TMEM164: variants seen among roughly 807,000 people sequenced by gnomAD.
The protein encoded by TMEM164 is RP13-360B22.2.
In TMEM164, 4 loss-of-function variants were observed where a neutral mutation model predicts 18.8. The observed-to-expected ratio is 0.21, with a 90% CI of 0.10 to 0.49. TMEM164 has a LOEUF of 0.49. TMEM164 is among the 20% of genes least tolerant of loss of function. TMEM164 has a pLI of 0.98. For missense variants in TMEM164, 108 were observed against 239.9 expected, an observed-to-expected ratio of 0.45 and a Z score of 3.63; for synonymous variants, 86 against 101.7, an observed-to-expected ratio of 0.85 and a Z score of 0.93.
At chrX:110,055,969 A>G (rs1297180686) in intron 2 of TMEM164, among the ~76,000 whole-genome samples, 1 of 111,603 alleles carries the variant, frequency 9.0e-6, no homozygotes, top group Non-Finnish European at 1.9e-5. Flanking sequence ...TTGGACTTTT[A>G]TTTATCAAGC....
At chrX:110,060,266 G>A (rs866180812) in intron 2 of TMEM164, among the ~76,000 whole-genome samples, 45 of 51,385 alleles carry the variant, frequency 8.8e-4, no homozygotes, top group East Asian at 1.4e-3. Context: ...GACCCTGTCT[G>A]AAAAAAAAAA....
chrX:110,036,417 T>C (rs1934802959), intron 2 of TMEM164, among the ~76,000 whole-genome samples: 1 of 112,398 alleles, frequency 8.9e-6, no homozygotes, highest in Admixed American at 9.4e-5. Flanking sequence ...TGCCCCTTTT[T>C]TTGGTTATCT....
chrX:110,071,716 CAAAAAAAA>C (rs59182790), intron 3 of TMEM164, among the ~76,000 whole-genome samples: 805 of 43,363 alleles, frequency 0.019, 11 homozygotes, highest in African/African-American at 0.076. Context: ...TTTGTCTCTA[CAAAAAAAA>C]AAAAAAAAAA....
intron 5 of TMEM164, among the ~76,000 whole-genome samples, chrX:110,158,592 G>T (rs2067049768): frequency 8.9e-6 from 1 of 112,373 alleles, no homozygotes; most frequent in Admixed American, 9.4e-5. Flanking sequence ...AGTATCTTTA[G>T]TGCTGGGCGA....
chrX:110,037,748 C>T (rs913424812), intron 2 of TMEM164, among the ~76,000 whole-genome samples: 14 of 111,747 alleles, frequency 1.3e-4, no homozygotes, highest in African/African-American at 3.9e-4. Context: ...CTTTAAGGGC[C>T]GATAGCAAAT....
chrX:110,171,141 T>C (rs1348353335), intron 5 of TMEM164, among the ~76,000 whole-genome samples: 1 of 111,955 alleles, frequency 8.9e-6, no homozygotes, highest in African/African-American at 3.3e-5. Context: ...GACAAACTCA[T>C]GTGAAAATTT....
intron 3 of TMEM164, among the ~76,000 whole-genome samples, chrX:110,097,528 T>C (rs988801372): frequency 8.9e-6 from 1 of 112,384 alleles, no homozygotes; most frequent in Non-Finnish European, 1.9e-5. Context: ...TATTTAAGGG[T>C]ATAAACATGA....
intron 3 of TMEM164, among the ~76,000 whole-genome samples, chrX:110,069,639 G>A (rs992509336): frequency 1.6e-4 from 17 of 105,444 alleles, no homozygotes; most frequent in Non-Finnish European, 3.1e-4. Flanking sequence ...GGCTGGTCTC[G>A]AACTACTGAC....
At chrX:110,022,569 C>T (rs1487754790) in intron 2 of TMEM164, among the ~76,000 whole-genome samples, 4 of 111,171 alleles carry the variant, frequency 3.6e-5, no homozygotes, top group African/African-American at 1.3e-4. Flanking sequence ...TTAAAAAACC[C>T]AGCGGTGGTA....
At chrX:110,016,781 C>T (rs1048621808) in intron 2 of TMEM164, among the ~76,000 whole-genome samples, 1 of 110,607 alleles carries the variant, frequency 9.0e-6, no homozygotes, top group African/African-American at 3.3e-5. Flanking sequence ...CTCAGCCTCC[C>T]AAGTAGCTGG....
chrX:110,110,420 G>A lies in TMEM164; in HGVS notation c.507+1274G>A, dbSNP rs139329232. 2.2e-4 allele frequency among the ~76,000 whole-genome samples: 25 copies of A among 111,965 alleles called. No individual in the cohort carries two copies. In the East Asian group the frequency reaches 6.7e-3, roughly 30 times the overall value. ...ACATCATACTGTACGTACCTTATAA[G>A]TACCCACAATTATTTGTCAGTTAAA... On this transcript the variant is annotated intron_variant, in intron 4 of 6. Transcript: ENST00000372068.
intron 4 of TMEM164, among the ~76,000 whole-genome samples, chrX:110,137,813 C>T (rs1442845330): frequency 3.6e-5 from 4 of 112,228 alleles, no homozygotes; most frequent in African/African-American, 1.3e-4. Context: ...GTCACCTAGG[C>T]GTGCCTTAAT....
At chrX:110,101,561 C>T (rs1214111137) in intron 3 of TMEM164, among the ~76,000 whole-genome samples, 1 of 107,407 alleles carries the variant, frequency 9.3e-6, no homozygotes, top group African/African-American at 3.4e-5. Flanking sequence ...TTTTCAAAGA[C>T]AAACTTTTGG....
At chrX:110,141,202 C>T (rs2066765427) in intron 4 of TMEM164, among the ~76,000 whole-genome samples, 1 of 111,989 alleles carries the variant, frequency 8.9e-6, no homozygotes, top group South Asian at 3.7e-4. Context: ...TGCCCTTTCC[C>T]CCTGTCCCTG....
In TMEM164 at chrX:110,069,730, T is replaced by C. The variant is rs1320031907; in HGVS notation, c.440+2334T>C. 1.5e-4 allele frequency among the ~76,000 whole-genome samples: 17 copies of C among 110,400 alleles called. No homozygotes were observed. The Admixed American group carries it at 1.7e-3, about 11-fold the overall frequency. Reference sequence around the variant, plus strand: ...CACTGCGCCCAGCCTATACTGACTTTGTTGATGGAATATATTTCCATATAA... The same window carrying C: ...CACTGCGCCCAGCCTATACTGACTTCGTTGATGGAATATATTTCCATATAA... On this transcript the variant is annotated intron_variant, in intron 3 of 6. Coordinates refer to ENST00000372068, the MANE Select transcript of TMEM164 (RefSeq NM_032227.4).
chrX:110,025,012 G>GTC (rs1934118251), intron 2 of TMEM164, among the ~76,000 whole-genome samples: 1 of 109,971 alleles, frequency 9.1e-6, no homozygotes, highest in Non-Finnish European at 1.9e-5. Context: ...GTGTGTGTGT[G>GTC]TGTGTGTTGG....
At position 110,175,698 on chromosome X, in the gene TMEM164, G is replaced by A. The variant is rs1443658482; in HGVS notation, c.*2247G>A. On this transcript the variant is annotated 3_prime_UTR_variant, in exon 7 of 7. Coordinates refer to ENST00000372068, the MANE Select transcript of TMEM164 (RefSeq NM_032227.4). ...AGTAAAGGGGGCATGCAGGGCTTTT[G>A]GGGGCCAGATTGGCTCAGAAACATG... 1 of 738,215 alleles carries A rather than the reference G, an allele frequency of 1.4e-6. No individual in the cohort carries two copies. The highest frequency in any genetic ancestry group is 1.6e-6 in the Non-Finnish European group (1 of 625,630). 60.8% of individuals were successfully genotyped at this position (738,215 alleles called of 1,213,427 possible).
intron 2 of TMEM164, among the ~76,000 whole-genome samples, chrX:110,035,716 G>T (rs1323312510): frequency 9.1e-6 from 1 of 109,672 alleles, no homozygotes; most frequent in Non-Finnish European, 1.9e-5. Context: ...TGTTGTCCAG[G>T]CTGGTCTCGA....
intron 2 of TMEM164, among the ~76,000 whole-genome samples, chrX:110,046,806 A>T (rs1274334571): frequency 8.9e-6 from 1 of 112,003 alleles, no homozygotes; most frequent in African/African-American, 3.3e-5. Context: ...TTTGTTCAGG[A>T]TTTGGGACTC....
Sources: gnomAD v4.1 joint callset for allele counts (sites outside exome capture counted in the v4.1 genomes callset) on GRCh38, gnomAD v4.1.1 for gene constraint, MANE v1.5 for transcripts, NCBI Gene and HGNC (gene_info 2026-07-23, HGNC 2026-07-21) for gene names.